Variants in SGIP1 observed in about 807,000 individuals in gnomAD.
SGIP1 encodes the protein SH3-containing GRB2-like protein 3-interacting protein 1.
A neutral mutation model predicts 107.5 loss-of-function variants in SGIP1; 38 were observed. The observed-to-expected ratio is 0.35, with a 90% CI of 0.27 to 0.46. SGIP1 has a LOEUF of 0.46. Among genes scored for constraint, SGIP1 ranks in the 20% least tolerant of loss-of-function variants. The probability of loss-of-function intolerance (pLI) is 1.00; values close to 1 mark genes in which losing one functional copy is unlikely to be tolerated. For missense variants in SGIP1, 929 were observed against 1,019.5 expected (o/e 0.91, Z 1.21); for synonymous variants, 365 against 366.1 (o/e 1.00, Z 0.03).
At chr1:66,555,318 AC>A (rs1354473050) in intron 1 of SGIP1, among the ~76,000 whole-genome samples, 5 of 152,070 alleles carry the variant, frequency 3.3e-5, no homozygotes, top group African/African-American at 1.2e-4. Flanking sequence ...AATAAACAGA[AC>A]CTATCCAAAA....
intron 1 of SGIP1, among the ~76,000 whole-genome samples, chr1:66,604,769 A>G (rs1453262166): frequency 6.6e-6 from 1 of 152,264 alleles, no homozygotes; most frequent in Non-Finnish European, 1.5e-5. Context: ...GAGACATCTC[A>G]GTCTTCTCTG....
At position 66,751,074 on chromosome 1, in the gene SGIP1, T is replaced by C. The variant is rs534956953; in HGVS notation, c.*7979T>C. ...TTTAATTCTATATGTAAGTTGTTACTGAAATGTGATTTCTTTTTCTGGAAA... is the reference window on the plus strand; with the variant it reads ...TTTAATTCTATATGTAAGTTGTTACCGAAATGTGATTTCTTTTTCTGGAAA... On this transcript the variant is annotated 3_prime_UTR_variant, in exon 25 of 25. Transcript: ENST00000371037. 6.6e-6 allele frequency among the ~76,000 whole-genome samples: 1 copy of C among 152,364 alleles called. No individual in the cohort carries two copies. The highest frequency in any genetic ancestry group is 2.1e-4 in the South Asian group (1 of 4,830).
chr1:66,670,588 C>A (rs1274947153), intron 9 of SGIP1, among the ~76,000 whole-genome samples: 1 of 152,166 alleles, frequency 6.6e-6, no homozygotes, highest in Non-Finnish European at 1.5e-5. Flanking sequence ...GGGGACCACA[C>A]CTGGCAAGGA....
At chr1:66,669,855 T>C (rs1472842904) in intron 9 of SGIP1, among the ~76,000 whole-genome samples, 2 of 152,168 alleles carry the variant, frequency 1.3e-5, no homozygotes, top group Admixed American at 1.3e-4. Context: ...AAAATGCTTA[T>C]ATAGCCTTAG....
chr1:66,695,163 A>G, intron 17 of SGIP1: 1 of 599,320 alleles, frequency 1.7e-6, no homozygotes, highest in Non-Finnish European at 2.8e-6. Context: ...CTTCTGCTCC[A>G]TGCACACAAG....
rs35762612 is a variant in SGIP1, at chr1:66,592,897, C to CTTTTTTTTTTTTTTTTTTTTTT, written c.11-32941_11-32920dup. Among the ~76,000 whole-genome samples the CTTTTTTTTTTTTTTTTTTTTTT allele has an allele frequency of 3.9e-4, 22 of 56,356 alleles. 1 individual carries two copies. Among genetic ancestry groups the CTTTTTTTTTTTTTTTTTTTTTT allele is most frequent in the Admixed American group, 5.2e-4 (2 of 3,818 alleles). The allele number at this position is 56,356 out of a possible 152,430, so 37.0% of individuals were successfully genotyped here. A position where few individuals can be genotyped will look rare whatever the true frequency, so the allele number is the denominator to read the frequency against. ...CTTTCCTTCTTTCTTTCTTCTTCTT[C>CTTTTTTTTTTTTTTTTTTTTTT]TTTTTTTTTTTTTTTTTTTTTTTTT... On this transcript the variant is annotated intron_variant, in intron 1 of 24. Coordinates refer to ENST00000371037, the MANE Select transcript of SGIP1 (RefSeq NM_032291.4).
rs953809563 is a variant in SGIP1 at position 66,667,637 on chromosome 1, C to A, written c.483+96C>A. ...TGGTTTCCCATTAAATTTATGATAA[C>A]CCAGTGTGAATGAGGCAGATGAAAT... is the stretch of plus-strand genomic sequence containing the variant. On this transcript the variant is annotated intron_variant, in intron 9 of 24. Coordinates refer to ENST00000371037, the MANE Select transcript of SGIP1 (RefSeq NM_032291.4). The A allele has an allele frequency of 2.7e-6, 3 of 1,104,002 alleles. No individual in the cohort carries two copies. In the East Asian group the frequency reaches 7.1e-5, roughly 26 times the overall value. 68.4% of individuals were successfully genotyped at this position (1,104,002 alleles called of 1,614,324 possible).
At chr1:66,667,873 A>T (rs1248017806) in intron 9 of SGIP1, among the ~76,000 whole-genome samples, 1 of 152,198 alleles carries the variant, frequency 6.6e-6, no homozygotes, top group African/African-American at 2.4e-5. Context: ...AAAGTACCAT[A>T]GAAGTTGATA....
chr1:66,568,461 T>G (rs2059949578), intron 1 of SGIP1, among the ~76,000 whole-genome samples: 1 of 151,952 alleles, frequency 6.6e-6, no homozygotes, highest in Non-Finnish European at 1.5e-5. Flanking sequence ...TTGACTTATT[T>G]TCTTCCTATG....
intron 18 of SGIP1, among the ~76,000 whole-genome samples, chr1:66,717,814 A>G (rs138789838): frequency 6.6e-6 from 1 of 152,298 alleles, no homozygotes; most frequent in East Asian, 1.9e-4. Context: ...TACATAGGCA[A>G]TATATGTAAA....
chr1:66,644,547 ATCT>A (rs1306481795), intron 7 of SGIP1, among the ~76,000 whole-genome samples: 1 of 137,164 alleles, frequency 7.3e-6, no homozygotes. Flanking sequence ...TGTTCTTGGC[ATCT>A]TCTTTAGAGA....
chr1:66,630,194 T>C (rs892948282), intron 2 of SGIP1, among the ~76,000 whole-genome samples: 4 of 115,764 alleles, frequency 3.5e-5, no homozygotes, highest in African/African-American at 8.8e-5. Flanking sequence ...TGATTAAAAA[T>C]TGTGGAAGAC....
chr1:66,658,381 C>G (rs905558356), intron 7 of SGIP1, among the ~76,000 whole-genome samples: 8 of 152,196 alleles, frequency 5.3e-5, no homozygotes, highest in Non-Finnish European at 1.2e-4. Flanking sequence ...GTGTAAGCAC[C>G]TGAGGTCACT....
chr1:66,734,964 C>T (rs944356002), intron 21 of SGIP1, among the ~76,000 whole-genome samples: 1 of 152,066 alleles, frequency 6.6e-6, no homozygotes, highest in Non-Finnish European at 1.5e-5. Flanking sequence ...GATGAGAACA[C>T]TTTCCATTCA....
chr1:66,581,579 A>C (rs1435061561), intron 1 of SGIP1, among the ~76,000 whole-genome samples: 5 of 152,042 alleles, frequency 3.3e-5, no homozygotes, highest in African/African-American at 1.2e-4. Flanking sequence ...TTATGATTAA[A>C]TCCATCTCTA....
chr1:66,689,090 A>G, intron 15 of SGIP1, 58 bp from the exon 16 acceptor site: 1 of 1,558,294 alleles, frequency 6.4e-7, no homozygotes, highest in Non-Finnish European at 8.7e-7. Flanking sequence ...TTATACTGTG[A>G]TAACAGCGCT....
intron 7 of SGIP1, among the ~76,000 whole-genome samples, chr1:66,649,469 G>A (rs1409374392): frequency 6.6e-6 from 1 of 152,142 alleles, no homozygotes; most frequent in Non-Finnish European, 1.5e-5. Flanking sequence ...CTTACAGGGT[G>A]GTTGTTGCCA....
rs116482420 is a variant in SGIP1, at chr1:66,594,664, C to T, written c.11-31183C>T. Among the ~76,000 whole-genome samples, 494 of 152,164 alleles carry T rather than the reference C, an allele frequency of 3.2e-3. 3 individuals carry two copies. Among genetic ancestry groups the T allele is most frequent in the Non-Finnish European group, 5.4e-3 (369 of 67,998 alleles). On this transcript the variant is annotated intron_variant, in intron 1 of 24. Coordinates refer to ENST00000371037, the MANE Select transcript of SGIP1 (RefSeq NM_032291.4). ...AAAGATTTGAATATAAAATAAACTC[C>T]GGTTTATTAACTTGTACTAAGGAAG...
At chr1:66,539,619 C>A (rs533682505) in intron 1 of SGIP1, among the ~76,000 whole-genome samples, 1 of 152,300 alleles carries the variant, frequency 6.6e-6, no homozygotes, top group African/African-American at 2.4e-5. Context: ...CCTTTTCAGG[C>A]TCATCAAATA....
Sources: gnomAD v4.1 joint callset for allele counts (sites outside exome capture counted in the v4.1 genomes callset) on GRCh38, gnomAD v4.1.1 for gene constraint, MANE v1.5 for transcripts, NCBI Gene and HGNC (gene_info 2026-07-23, HGNC 2026-07-21) for gene names.